Variants in DOCK6 observed in about 807,000 individuals in gnomAD.
DOCK6 encodes dedicator of cytokinesis protein 6.
DOCK6 carries 167 observed loss-of-function variants against 230.3 expected under a neutral mutation model. That is an observed-to-expected ratio of 0.73 (90% CI 0.64 to 0.82). The LOEUF (loss-of-function observed/expected upper bound fraction) is 0.82, where lower values mean the gene tolerates loss of function less well. DOCK6 is among the 40% of genes least tolerant of loss of function. DOCK6 has a pLI of 0.00. For missense variants in DOCK6, 2,598 were observed against 2,825.8 expected (o/e 0.92, Z 1.83); for synonymous variants, 1,148 against 1,185.0 (o/e 0.97, Z 0.64).
intron 39 of DOCK6, 142 bp downstream of exon 39, chr19:11,208,544 G>C: frequency 1.6e-6 from 2 of 1,224,542 alleles, no homozygotes; most frequent in Non-Finnish European, 2.2e-6. Context: ...CTCCCAAAGT[G>C]CTGGGGTTAC....
chr19:11,216,911 A>T lies in DOCK6; in HGVS notation c.3894+3T>A, dbSNP rs1196328651. 6.2e-7 allele frequency: 1 copy of T among 1,613,560 alleles called. No homozygotes were observed. The highest frequency in any genetic ancestry group is 1.7e-5 in the Admixed American group (1 of 59,990). On this transcript the variant is annotated splice_donor_region_variant and intron_variant, in intron 30 of 47. Coordinates refer to ENST00000294618, the MANE Select transcript of DOCK6 (RefSeq NM_020812.4). ...CCATCATCTCCTGCCCACGCCCTCA[A>T]ACCTTGTACTCAAAGGCAGCTAGGC... is the stretch of plus-strand genomic sequence containing the variant.
At chr19:11,259,628 G>A (rs1005131072) in intron 1 of DOCK6, among the ~76,000 whole-genome samples, 1 of 136,796 alleles carries the variant, frequency 7.3e-6, no homozygotes, top group Non-Finnish European at 1.5e-5. Flanking sequence ...CGGGATCTCG[G>A]CTCACTGCAA....
At chr19:11,230,147 C>T (rs749111186) in intron 22 of DOCK6, among the ~76,000 whole-genome samples, 10 of 150,794 alleles carry the variant, frequency 6.6e-5, no homozygotes, top group Admixed American at 2.0e-4. Flanking sequence ...TCCTAGTCAA[C>T]ATGGTGAATG....
At chr19:11,218,055 T>C (rs1200810939) in intron 28 of DOCK6, among the ~76,000 whole-genome samples, 1 of 152,086 alleles carries the variant, frequency 6.6e-6, no homozygotes, top group African/African-American at 2.4e-5. Context: ...TTTCACCATG[T>C]TGGCCAGGCT....
At chr19:11,220,822 A>ATTTTTT (rs372764985) in intron 28 of DOCK6, among the ~76,000 whole-genome samples, 1 of 139,796 alleles carries the variant, frequency 7.2e-6, no homozygotes, top group Non-Finnish European at 1.6e-5. Context: ...TAATATCTGA[A>ATTTTTT]TTTTTTTTTT....
chr19:11,220,795 C>T (rs2147778973), intron 28 of DOCK6, among the ~76,000 whole-genome samples: 1 of 149,714 alleles, frequency 6.7e-6, no homozygotes, highest in East Asian at 2.0e-4. Context: ...GGATATTTTA[C>T]ACTGGAAAAA....
intron 18 of DOCK6, chr19:11,237,138 AG>A: frequency 3.4e-6 from 2 of 589,232 alleles, no homozygotes; most frequent in Non-Finnish European, 6.1e-6. Flanking sequence ...GAAACAGGAT[AG>A]GAGGATTTGA....
At chr19:11,246,544 G>A (rs1248540949) in intron 7 of DOCK6, among the ~76,000 whole-genome samples, 2 of 152,070 alleles carry the variant, frequency 1.3e-5, no homozygotes, top group Non-Finnish European at 2.9e-5. Flanking sequence ...GATTACAGGC[G>A]TGAGCCACCG....
At position 11,200,205 on chromosome 19, in the gene DOCK6, CAT is replaced by C; in HGVS notation, c.6101+101_6101+102del. 8.6e-7 allele frequency: 1 copy of C among 1,161,268 alleles called. No homozygotes were observed. Among genetic ancestry groups the C allele is most frequent in the East Asian group, 2.7e-5 (1 of 37,130 alleles). 71.9% of individuals were successfully genotyped at this position (1,161,268 alleles called of 1,614,324 possible). A position where few individuals can be genotyped will look rare whatever the true frequency, so the allele number is the denominator to read the frequency against. On this transcript the variant is annotated intron_variant, in intron 47 of 47. Transcript: ENST00000294618. This position sits in a 1 kb window ranked among gnomAD's most constrained non-coding sequence, Gnocchi z 4.3. ...AAACAAAGTCCAAGCTACCAGCAAA[CAT>C]GTTGCTGTGTATGTGTACAACAGCC...
At position 11,221,915 on chromosome 19, in the gene DOCK6, G is replaced by A. The variant is rs751199918; in HGVS notation, c.3486C>T (p.Ala1162=). 137 of 1,613,252 alleles carry A rather than the reference G, an allele frequency of 8.5e-5. 1 individual carries two copies. The Middle Eastern group carries it at 1.5e-3, about 17-fold the overall frequency. ...TCGATAGCAGTGGCAGGTACAGCTC[G>A]GCCACACGAGCCTTCACAGTGGCCT... The part of the protein sequence containing the change: ...YAEATVKARV[A]ELYLPLLSIA... Residue 1162 remains alanine (A), a synonymous_variant, in exon 28 of 48, where the codon GCC becomes GCT. Transcript: ENST00000294618.
intron 21 of DOCK6, 70 bp from the exon 22 acceptor site, chr19:11,233,436 A>T: frequency 2.6e-6 from 4 of 1,537,178 alleles, no homozygotes; most frequent in Non-Finnish European, 2.6e-6. Context: ...CTTCCTACTC[A>T]GCTAATCTCT....
intron 1 of DOCK6, 24 bp downstream of exon 1, chr19:11,262,373 G>T: frequency 1.6e-6 from 2 of 1,253,172 alleles, no homozygotes; most frequent in Non-Finnish European, 2.0e-6. Context: ...GGGGAGGTGG[G>T]AGGGGGCCCC....
Position 11,253,730 on chromosome 19 carries a change from G to C in DOCK6, c.45-4C>G. 6.8e-7 allele frequency: 1 copy of C among 1,475,266 alleles called. No individual in the cohort carries two copies. The allele number at this position is 1,475,266 out of a possible 1,614,324, so 91.4% of individuals were successfully genotyped here. ...CCGCACCTCTGCGGCCACCGTCCTG[G>C]AAAGATAGGGAGGGGGCCATTGGGG... On this transcript the variant is annotated splice_polypyrimidine_tract_variant and splice_region_variant and intron_variant, in intron 1 of 47. Coordinates refer to ENST00000294618, the MANE Select transcript of DOCK6 (RefSeq NM_020812.4).
chr19:11,211,091 G>A (rs907449847), intron 37 of DOCK6, among the ~76,000 whole-genome samples: 2 of 148,854 alleles, frequency 1.3e-5, no homozygotes, highest in Admixed American at 6.7e-5. Flanking sequence ...GCATCTCCCC[G>A]CTTCCTCTAT....
chr19:11,253,544 G>A, intron 2 of DOCK6, 95 bp downstream of exon 2: 1 of 821,034 alleles, frequency 1.2e-6, no homozygotes, highest in Non-Finnish European at 1.8e-6. Flanking sequence ...ACAGGCCACA[G>A]GAGGGAGGGG....
chr19:11,218,799 G>A (rs1303712262), intron 28 of DOCK6, among the ~76,000 whole-genome samples: 5 of 149,158 alleles, frequency 3.4e-5, no homozygotes, highest in African/African-American at 7.5e-5. Flanking sequence ...TCTCCTATGT[G>A]CCAGATGCTG....
chr19:11,229,443 G>T, intron 22 of DOCK6: 4 of 923,012 alleles, frequency 4.3e-6, no homozygotes, highest in Non-Finnish European at 5.2e-6. Flanking sequence ...AGGTGAAGGG[G>T]TATGTGGTTG....
chr19:11,236,197 C>T lies in DOCK6; in HGVS notation c.2392+149G>A. On this transcript the variant is annotated intron_variant, in intron 20 of 47. Transcript: ENST00000294618. The surrounding 1 kb of genome is among the most constrained non-coding windows in gnomAD (Gnocchi z 5.2). Reference sequence around the variant, plus strand: ...ACCCGGGCCAAAGGGTCACAGAAGACCTTCTCTGGGTGCAGGGGACTGGAG... The same window carrying T: ...ACCCGGGCCAAAGGGTCACAGAAGATCTTCTCTGGGTGCAGGGGACTGGAG... 1.3e-6 allele frequency: 1 copy of T among 796,568 alleles called. No individual in the cohort carries two copies. The highest frequency in any genetic ancestry group is 2.7e-5 in the East Asian group (1 of 36,988). 49.3% of individuals were successfully genotyped at this position (796,568 alleles called of 1,614,324 possible).
At chr19:11,203,904 T>C (rs1256924398) in intron 41 of DOCK6, 177 bp downstream of exon 41, 9 of 660,248 alleles carry the variant, frequency 1.4e-5, no homozygotes, top group Middle Eastern at 4.1e-4. Context: ...GGGCGGGGGG[T>C]GGGGGCATTT....
Sources: allele counts gnomAD v4.1 joint callset (sites outside exome capture counted in the v4.1 genomes callset), GRCh38; gene constraint gnomAD v4.1.1; non-coding constraint Gnocchi (gnomAD v3.1); transcripts MANE v1.5; gene names NCBI Gene and HGNC (gene_info 2026-07-23, HGNC 2026-07-21).